SEMA3C: variants seen among roughly 807,000 people sequenced by gnomAD.
SEMA3C encodes the protein semaphorin-3C.
SEMA3C carries 47 observed loss-of-function variants against 89.4 expected under a neutral mutation model. That is an observed-to-expected ratio of 0.53 (90% confidence interval 0.42 to 0.67). The LOEUF is 0.67. SEMA3C is among the 30% of genes least tolerant of loss of function. The pLI, the probability that SEMA3C is intolerant of heterozygous loss-of-function variation, is 0.00. For missense variants in SEMA3C, 839 were observed against 929.1 expected (o/e 0.90, Z 1.26); for synonymous variants, 310 against 320.2 (o/e 0.97, Z 0.34).
upstream of SEMA3C, chr7:80,919,324 C>G: frequency 2.0e-6 from 2 of 985,308 alleles, no homozygotes; most frequent in Non-Finnish European, 2.4e-6. Flanking sequence ...GGAGCCCTAG[C>G]TCCGCAACCC....
intron 2 of SEMA3C, among the ~76,000 whole-genome samples, chr7:80,878,509 G>A (rs759704890): frequency 6.6e-6 from 1 of 152,138 alleles, no homozygotes; most frequent in Non-Finnish European, 1.5e-5. Context: ...AAGTATGGGG[G>A]TGGTGAGAGA....
At chr7:80,844,871 C>T (rs922527274) in intron 2 of SEMA3C, among the ~76,000 whole-genome samples, 7 of 152,172 alleles carry the variant, frequency 4.6e-5, no homozygotes, top group African/African-American at 1.4e-4. Flanking sequence ...GGAGTTAGCA[C>T]ATTGCTGCAG....
At chr7:80,922,204 A>G, upstream of SEMA3C, 1 of 1,251,612 alleles carries the variant, frequency 8.0e-7, no homozygotes, top group Non-Finnish European at 1.0e-6. Flanking sequence ...AGGAAGAGAA[A>G]CTCAAGCGTG....
At chr7:80,899,498 A>G (rs544927755) in intron 2 of SEMA3C, among the ~76,000 whole-genome samples, 4 of 152,324 alleles carry the variant, frequency 2.6e-5, no homozygotes, top group Non-Finnish European at 5.9e-5. Flanking sequence ...TTTCATTGAA[A>G]TAAACAGTTC....
chr7:80,787,003 T>A (rs1389219113), intron 12 of SEMA3C, among the ~76,000 whole-genome samples: 1 of 152,070 alleles, frequency 6.6e-6, no homozygotes, highest in East Asian at 1.9e-4. Flanking sequence ...GCATAGGAAA[T>A]GGTAAGGAAT....
chr7:80,820,423 G>A (rs1302301237), intron 4 of SEMA3C, among the ~76,000 whole-genome samples: 1 of 151,796 alleles, frequency 6.6e-6, no homozygotes, highest in Non-Finnish European at 1.5e-5. Context: ...CAAAATAAAT[G>A]TTGCTAAAAT....
At chr7:80,748,662 C>T (rs898937024) in intron 17 of SEMA3C, among the ~76,000 whole-genome samples, 13 of 152,204 alleles carry the variant, frequency 8.5e-5, no homozygotes, top group African/African-American at 2.9e-4. Context: ...GTCTTAGCAC[C>T]CAAGCTCTTG....
intron 17 of SEMA3C, among the ~76,000 whole-genome samples, chr7:80,748,013 T>C (rs1359578324): frequency 3.3e-5 from 5 of 152,094 alleles, no homozygotes; most frequent in Non-Finnish European, 5.9e-5. Flanking sequence ...TGGTACTCAG[T>C]CTACATACCC....
chr7:80,900,176 C>A (rs1791842723), intron 2 of SEMA3C, among the ~76,000 whole-genome samples: 1 of 151,888 alleles, frequency 6.6e-6, no homozygotes, highest in East Asian at 1.9e-4. Flanking sequence ...TGCAGTGGCA[C>A]CATCTCAGCT....
At chr7:80,919,422 A>G (rs1792365925), upstream of SEMA3C, 2 of 969,264 alleles carry the variant, frequency 2.1e-6, no homozygotes, top group South Asian at 4.8e-5. Context: ...AGACTTACAC[A>G]GGCTTTGCCT....
chr7:80,803,660 C>G (rs190152111), intron 8 of SEMA3C, among the ~76,000 whole-genome samples: 136 of 152,170 alleles, frequency 8.9e-4, no homozygotes, highest in African/African-American at 3.1e-3. Flanking sequence ...TTAATTTTCA[C>G]TATTTATAAA....
At chr7:80,845,430 A>G (rs535077183) in intron 2 of SEMA3C, among the ~76,000 whole-genome samples, 1 of 152,058 alleles carries the variant, frequency 6.6e-6, no homozygotes, top group Non-Finnish European at 1.5e-5. Context: ...TACTCACAAC[A>G]CTAGAATACA....
chr7:80,867,937 T>C (rs1790966945), intron 2 of SEMA3C, among the ~76,000 whole-genome samples: 2 of 152,334 alleles, frequency 1.3e-5, no homozygotes. Flanking sequence ...ATATGCTCTG[T>C]CTAAAGAGGA....
chr7:80,911,759 G>A (rs1346363375), intron 2 of SEMA3C, among the ~76,000 whole-genome samples: 9 of 151,644 alleles, frequency 5.9e-5, no homozygotes, highest in Non-Finnish European at 1.2e-4. Context: ...TCAGCCTCCC[G>A]AGTAGCTAGG....
chr7:80,854,335 G>C (rs1303711822), intron 2 of SEMA3C, among the ~76,000 whole-genome samples: 8 of 152,148 alleles, frequency 5.3e-5, no homozygotes, highest in Admixed American at 5.2e-4. Flanking sequence ...CAGGAAAAGG[G>C]GAGGCTCGCT....
intron 4 of SEMA3C, among the ~76,000 whole-genome samples, chr7:80,823,023 G>A (rs913244663): frequency 6.6e-6 from 1 of 152,054 alleles, no homozygotes; most frequent in Non-Finnish European, 1.5e-5. Context: ...CTTTCAAAAT[G>A]ATTTCCTGGC....
At chr7:80,804,027 T>C (rs1789276624) in intron 8 of SEMA3C, 79 bp downstream of exon 8, 2 of 1,282,200 alleles carry the variant, frequency 1.6e-6, no homozygotes, top group Admixed American at 4.9e-5. Context: ...TTTGTAATGG[T>C]TGATAATAAA....
Position 80,802,693 on chromosome 7 carries a change from G to A in SEMA3C, c.888C>T (p.Asp296=), listed in dbSNP as rs145213092. Residue 296 remains aspartate (D), a synonymous_variant, in exon 9 of 18, where the codon GAC becomes GAT. Transcript: ENST00000265361. ...ATTCATCAAAGTGTGTTTCTGGGCC[G>A]TCTTCATCTGTTACCGAGCACACCA... ...ARLVCSVTDE[D]GPETHFDELE... 43 of 1,612,798 alleles carry A rather than the reference G, an allele frequency of 2.7e-5. No individual in the cohort carries two copies. The highest frequency in any genetic ancestry group is 5.0e-5 in the Admixed American group (3 of 59,972).
intron 2 of SEMA3C, among the ~76,000 whole-genome samples, chr7:80,897,168 C>A (rs535049025): frequency 6.6e-6 from 1 of 152,236 alleles, no homozygotes; most frequent in Admixed American, 6.5e-5. Flanking sequence ...AAATAAAGAT[C>A]TAAAATAAAC....
Sources: gnomAD v4.1 joint callset for allele counts (sites outside exome capture counted in the v4.1 genomes callset) on GRCh38, gnomAD v4.1.1 for gene constraint, MANE v1.5 for transcripts, NCBI Gene and HGNC (gene_info 2026-07-23, HGNC 2026-07-21) for gene names.